The following GBP6 variants were observed in gnomAD, a reference collection of about 807,000 sequenced individuals.
The protein encoded by GBP6 is guanylate-binding protein 6.
In GBP6, 54 loss-of-function variants were observed where a neutral mutation model predicts 61.5. The observed-to-expected ratio is 0.88, with a 90% confidence interval of 0.71 to 1.10. The LOEUF (loss-of-function observed/expected upper bound fraction) is 1.10, where lower values mean the gene tolerates loss of function less well. Ranked by LOEUF, GBP6 falls within the 50% of genes least tolerant of loss-of-function variation. The pLI, the probability that GBP6 is intolerant of heterozygous loss-of-function variation, is 0.00. For synonymous variants in GBP6, 255 were observed against 273.7 expected, an observed-to-expected ratio of 0.93 and a Z score of 0.67; for missense variants, 748 against 752.8, an observed-to-expected ratio of 0.99 and a Z score of 0.07.
chr1:89,378,717 G>A (rs1413929777), intron 5 of GBP6, 104 bp downstream of exon 5: 2 of 909,356 alleles, frequency 2.2e-6, no homozygotes, highest in East Asian at 2.5e-5. Context: ...ACTAGATTGA[G>A]GTCTGTAGAA....
intron 3 of GBP6, among the ~76,000 whole-genome samples, chr1:89,372,665 A>G (rs1357859767): frequency 1.3e-5 from 2 of 152,226 alleles, no homozygotes; most frequent in African/African-American, 4.8e-5. Context: ...AAATTAATTC[A>G]AGATGGATTA....
intron 1 of GBP6, among the ~76,000 whole-genome samples, chr1:89,367,852 GA>G (rs1557536093): frequency 6.6e-6 from 1 of 152,178 alleles, no homozygotes; most frequent in African/African-American, 2.4e-5. Flanking sequence ...ACTGGGAAGT[GA>G]AAAACCACCT....
intron 3 of GBP6, among the ~76,000 whole-genome samples, chr1:89,376,999 T>A (rs1652827775): frequency 6.6e-6 from 1 of 151,874 alleles, no homozygotes; most frequent in African/African-American, 2.4e-5. Context: ...AATTAAGGAG[T>A]GGGGGACATA....
chr1:89,369,934 C>T (rs1170494688), intron 3 of GBP6, among the ~76,000 whole-genome samples: 2 of 152,132 alleles, frequency 1.3e-5, no homozygotes, highest in Admixed American at 1.3e-4. Flanking sequence ...GGCCTTGGGG[C>T]TGAGTAGCAT....
chr1:89,384,352 G>T, intron 10 of GBP6, 66 bp downstream of exon 10: 2 of 1,295,070 alleles, frequency 1.5e-6, no homozygotes, highest in Non-Finnish European at 1.1e-6. Flanking sequence ...AAGGGCTGGT[G>T]AAGGTTACAG....
rs1000374744 is a variant in GBP6, at chr1:89,388,061, T to G, written c.*2592T>G. ...TGAAACTGGGCCAAAGATAGAATTT[T>G]TTTTTCTGTGCTTTATACAGTGACT... On this transcript the variant is annotated 3_prime_UTR_variant, in exon 11 of 11. Coordinates refer to ENST00000370456, the MANE Select transcript of GBP6 (RefSeq NM_198460.3). Among the ~76,000 whole-genome samples, 1 of 152,198 alleles carries G rather than the reference T, an allele frequency of 6.6e-6. No homozygotes were observed. The highest frequency in any genetic ancestry group is 1.5e-5 in the Non-Finnish European group (1 of 68,026).
At chr1:89,384,450 G>C (rs1163182341) in intron 10 of GBP6, among the ~76,000 whole-genome samples, 164 bp downstream of exon 10, 1 of 152,130 alleles carries the variant, frequency 6.6e-6, no homozygotes, top group Non-Finnish European at 1.5e-5. Context: ...GTTTCAGTAA[G>C]ACTTGGAATT....
chr1:89,375,630 G>A (rs1652784975), intron 3 of GBP6, among the ~76,000 whole-genome samples: 1 of 151,890 alleles, frequency 6.6e-6, no homozygotes, highest in African/African-American at 2.4e-5. Flanking sequence ...AGTTATATAA[G>A]TTCCTCATGT....
chr1:89,385,258 T>A lies in GBP6; in HGVS notation c.1691T>A (p.Phe564Tyr). 1 of 1,613,948 alleles carries A rather than the reference T, an allele frequency of 6.2e-7. No individual in the cohort carries two copies. Among genetic ancestry groups the A allele is most frequent in the Middle Eastern group, 1.6e-4 (1 of 6,062 alleles). Residue 564 changes from phenylalanine (F) to tyrosine (Y), a missense_variant, in exon 11 of 11, where the codon TTT becomes TAT. Coordinates refer to ENST00000370456, the MANE Select transcript of GBP6 (RefSeq NM_198460.3). ...KVQNDWLHEG[F>Y]KKKYEEMNAE... ...CAAAATGATTGGCTTCATGAAGGAT[T>A]TAAGAAGAAGTATGAGGAGATGAAT...
chr1:89,368,174 G>T (rs1652517293), intron 1 of GBP6, among the ~76,000 whole-genome samples: 1 of 152,146 alleles, frequency 6.6e-6, no homozygotes, highest in Non-Finnish European at 1.5e-5. Flanking sequence ...GATATCATTT[G>T]TGTATTTGTG....
chr1:89,370,531 T>C (rs1199362374), intron 3 of GBP6, among the ~76,000 whole-genome samples: 9 of 152,230 alleles, frequency 5.9e-5, no homozygotes, highest in Non-Finnish European at 7.3e-5. Context: ...ATTTAGCTTC[T>C]TATGAATGGG....
In GBP6 at chr1:89,381,738, G is replaced by A. The variant is rs542705939; in HGVS notation, c.916G>A (p.Gly306Arg). 3 of 1,614,116 alleles carry A rather than the reference G, an allele frequency of 1.9e-6. No individual in the cohort carries two copies. The South Asian group carries it at 3.3e-5, about 18-fold the overall frequency. ...AVTYVEAINS[G>R]AVPCLENAVI... ...GACTTATGTAGAGGCCATCAACAGT[G>A]GAGCAGTGCCTTGTCTGGAGAATGC... Residue 306 changes from glycine (G) to arginine (R), a missense_variant, in exon 7 of 11, where the codon GGA (glycine) becomes AGA (arginine). By Grantham distance (125) the Gly-to-Arg change is moderately radical. Transcript: ENST00000370456.
intron 3 of GBP6, among the ~76,000 whole-genome samples, chr1:89,374,516 C>T (rs1256615319): frequency 6.6e-6 from 1 of 152,016 alleles, no homozygotes; most frequent in African/African-American, 2.4e-5. Flanking sequence ...ATACTTTTTC[C>T]ATAATAGCTG....
chr1:89,382,727 T>G lies in GBP6; in HGVS notation c.1216T>G (p.Cys406Gly), dbSNP rs780162722. ...GAATGAAGAGTCATCTGTTCAATAC[T>G]GCCAGGCTAAACTCAATGAGCTCTC... ...LQNEESSVQY[C>G]QAKLNELSKG... The change falls in exon 8 of 11, where the codon TGC becomes GGC. Residue 406 changes from cysteine (C) to glycine (G), a missense_variant. Physicochemically the swap from Cys to Gly is radical, Grantham distance 159. Coordinates refer to ENST00000370456, the MANE Select transcript of GBP6 (RefSeq NM_198460.3). 1 of 1,614,128 alleles carries G rather than the reference T, an allele frequency of 6.2e-7. No homozygotes were observed. Among genetic ancestry groups the G allele is most frequent in the Admixed American group, 1.7e-5 (1 of 60,024 alleles).
chr1:89,367,015 G>T (rs1652483818), intron 1 of GBP6, among the ~76,000 whole-genome samples: 1 of 152,154 alleles, frequency 6.6e-6, no homozygotes, highest in Non-Finnish European at 1.5e-5. Flanking sequence ...AATAATAGCT[G>T]ATTGTAGGTA....
intron 5 of GBP6, 112 bp from the exon 6 acceptor site, chr1:89,380,274 G>A: frequency 1.2e-6 from 1 of 823,218 alleles, no homozygotes; most frequent in Admixed American, 2.3e-5. Flanking sequence ...GTTAAAGGAG[G>A]TCTGTAAGCA....
chr1:89,382,900 G>C, intron 8 of GBP6, 24 bp downstream of exon 8: 4 of 1,522,862 alleles, frequency 2.6e-6, no homozygotes, highest in Non-Finnish European at 3.6e-6. Context: ...GGAGCATGGG[G>C]AAGTTTATAG....
chr1:89,377,936 G>T (rs1456592401), intron 3 of GBP6, among the ~76,000 whole-genome samples, 167 bp from the exon 4 acceptor site: 1 of 152,232 alleles, frequency 6.6e-6, no homozygotes, highest in Non-Finnish European at 1.5e-5. Context: ...TAAAGAAATT[G>T]TGATTAGAAG....
Position 89,380,376 on chromosome 1 carries a change from T to C in GBP6, c.626-10T>C, listed in dbSNP as rs113474057. Reference sequence around the variant, plus strand: ...TTTCACTATATTCTCTGTTTTTTTTTATCCCTCAGGCAATAATCCCAGAGT... The same window carrying C: ...TTTCACTATATTCTCTGTTTTTTTTCATCCCTCAGGCAATAATCCCAGAGT... On this transcript the variant is annotated splice_polypyrimidine_tract_variant and intron_variant, in intron 5 of 10. Transcript: ENST00000370456. 6.3e-7 allele frequency: 1 copy of C among 1,590,304 alleles called. No individual in the cohort carries two copies.
Sources: gnomAD v4.1 joint callset for allele counts (sites outside exome capture counted in the v4.1 genomes callset) on GRCh38, gnomAD v4.1.1 for gene constraint, MANE v1.5 for transcripts, NCBI Gene and HGNC (gene_info 2026-07-23, HGNC 2026-07-21) for gene names.